Variants in KLHDC3 observed in about 807,000 individuals in gnomAD.
The protein encoded by KLHDC3 is kelch domain-containing protein 3.
In KLHDC3, 5 loss-of-function variants were observed where a neutral mutation model predicts 44.1. The ratio of observed to expected loss-of-function variants is 0.11; its 90% CI spans 0.06 to 0.24. The LOEUF is 0.24. KLHDC3 is among the 10% of genes least tolerant of loss of function. KLHDC3 has a pLI of 1.00. For synonymous variants in KLHDC3, 170 were observed against 189.0 expected (o/e 0.90, Z 0.82); for missense variants, 247 against 514.3 (o/e 0.48, Z 5.03).
Position 43,018,107 on chromosome 6 carries a change from G to A in KLHDC3, c.448-38G>A. The A allele has an allele frequency of 2.0e-6, 3 of 1,510,410 alleles. No homozygotes were observed. Among genetic ancestry groups the A allele is most frequent in the South Asian group, 2.2e-5 (2 of 88,936 alleles). 93.6% of individuals were successfully genotyped at this position (1,510,410 alleles called of 1,614,324 possible). On this transcript the variant is annotated intron_variant, in intron 4 of 10. Coordinates refer to ENST00000326974, the MANE Select transcript of KLHDC3 (RefSeq NM_057161.4). The surrounding 1 kb of genome is among the most constrained non-coding windows in gnomAD (Gnocchi z 6.0). ...ATGGAGGGTCAGAGAGTGACCATTGGCTCCCTCTTTTCTTCCTCCTTTTCT... is the reference window on the plus strand; with the variant it reads ...ATGGAGGGTCAGAGAGTGACCATTGACTCCCTCTTTTCTTCCTCCTTTTCT...
At position 43,019,359 on chromosome 6, in the gene KLHDC3, G is replaced by T. The variant is rs1762643314; in HGVS notation, c.1075G>T (p.Asp359Tyr). ...YNLDQSCLPH[D>Y]IRWELNAMTT... Reference sequence around the variant, plus strand: ...CCTAGACCAGTCCTGTTTGCCTCATGATATCAGGTACAGCGAGTGGTTGGA... The same window carrying T: ...CCTAGACCAGTCCTGTTTGCCTCATTATATCAGGTACAGCGAGTGGTTGGA... The change falls in exon 10 of 11, where the codon GAT becomes TAT. Residue 359 changes from aspartate (D) to tyrosine (Y), a missense_variant. Around this residue, in one of 2 missense-constraint regions of KLHDC3, gnomAD observed 176 missense variants for 413.5 expected, o/e 0.43. Coordinates refer to ENST00000326974, the MANE Select transcript of KLHDC3 (RefSeq NM_057161.4). 6.2e-7 allele frequency: 1 copy of T among 1,611,456 alleles called. No homozygotes were observed.
In KLHDC3 at chr6:43,017,158, G is replaced by C. The variant is rs757561831; in HGVS notation, c.-35G>C. On this transcript the variant is annotated 5_prime_UTR_variant, in exon 2 of 11. Coordinates refer to ENST00000326974, the MANE Select transcript of KLHDC3 (RefSeq NM_057161.4). The surrounding 1 kb of genome is among the most constrained non-coding windows in gnomAD (Gnocchi z 6.0). ...GATAGCAGAGGCAGCAGGCCGTGCC[G>C]GGGGGGCATGTTGCTGTAACCAGTG... is the stretch of plus-strand genomic sequence containing the variant. 10 of 1,593,990 alleles carry C rather than the reference G, an allele frequency of 6.3e-6. No individual in the cohort carries two copies. The highest frequency in any genetic ancestry group is 1.3e-5 in the African/African-American group (1 of 74,644).
rs1762602926 is a variant in KLHDC3 at position 43,017,390 on chromosome 6, G to A, written c.154+44G>A. 1 of 1,589,772 alleles carries A rather than the reference G, an allele frequency of 6.3e-7. No individual in the cohort carries two copies. Among genetic ancestry groups the A allele is most frequent in the African/African-American group, 1.3e-5 (1 of 74,668 alleles). On this transcript the variant is annotated intron_variant, in intron 2 of 10. Coordinates refer to ENST00000326974, the MANE Select transcript of KLHDC3 (RefSeq NM_057161.4). The surrounding 1 kb of genome is among the most constrained non-coding windows in gnomAD (Gnocchi z 6.0). The stretch of plus-strand genomic sequence containing the variant: ...TGTCCCTGGGTCCCCACATCAGGGT[G>A]GGAACGGGCTGCTGATGAGGTTTGG...
In KLHDC3 at chr6:43,017,595, C is replaced by T; in HGVS notation, c.231C>T (p.Arg77=). The part of the protein sequence containing the change: ...RGQAPVVPYM[R]YGHSTVLIDD... ...AAGCTCCTGTGGTACCCTACATGCG[C>T]TATGGACACTCAACCGTCCTCATCG... Residue 77 remains arginine (R), a synonymous_variant, in exon 3 of 11, where the codon CGC becomes CGT. Coordinates refer to ENST00000326974, the MANE Select transcript of KLHDC3 (RefSeq NM_057161.4). This position sits in a 1 kb window ranked among gnomAD's most constrained non-coding sequence, Gnocchi z 6.0. 1 of 1,614,128 alleles carries T rather than the reference C, an allele frequency of 6.2e-7. No homozygotes were observed. Among genetic ancestry groups the T allele is most frequent in the Non-Finnish European group, 8.5e-7 (1 of 1,180,010 alleles).
At chr6:43,016,902 G>A (rs554381227) in intron 1 of KLHDC3, 3 of 441,322 alleles carry the variant, frequency 6.8e-6, no homozygotes, top group South Asian at 3.2e-5. Context: ...ATCAGGTGGG[G>A]GTGGCCCCAC....
At chr6:43,019,403 G>A (rs1233755921) in intron 10 of KLHDC3, 37 bp downstream of exon 10, 1 of 1,436,012 alleles carries the variant, frequency 7.0e-7, no homozygotes, top group Non-Finnish European at 9.8e-7. Context: ...ATTGAGTGAG[G>A]GTGAGTGAGC....
chr6:43,021,066 C>G lies in KLHDC3; in HGVS notation c.*333C>G, dbSNP rs770368966. The G allele has an allele frequency of 1.4e-5, 7 of 508,526 alleles. No homozygotes were observed. Among genetic ancestry groups the G allele is most frequent in the Non-Finnish European group, 2.7e-5 (7 of 261,442 alleles). 31.5% of individuals were successfully genotyped at this position (508,526 alleles called of 1,614,324 possible). On this transcript the variant is annotated 3_prime_UTR_variant, in exon 11 of 11. Coordinates refer to ENST00000326974, the MANE Select transcript of KLHDC3 (RefSeq NM_057161.4). ...GGGAGAAGGGAGAAGCAAGCAGTGTCTGAGCCTCAGGAGCTTCCCCCTCCC... is the reference window on the plus strand; with the variant it reads ...GGGAGAAGGGAGAAGCAAGCAGTGTGTGAGCCTCAGGAGCTTCCCCCTCCC...
At position 43,018,228 on chromosome 6, in the gene KLHDC3, CT is replaced by C. The variant is rs771768159; in HGVS notation, c.519+20del. 17 of 1,597,972 alleles carry C rather than the reference CT, an allele frequency of 1.1e-5. No individual in the cohort carries two copies. The highest frequency in any genetic ancestry group is 1.3e-5 in the Non-Finnish European group (15 of 1,165,848). On this transcript the variant is annotated intron_variant, in intron 5 of 10. Coordinates refer to ENST00000326974, the MANE Select transcript of KLHDC3 (RefSeq NM_057161.4). The surrounding 1 kb of genome is among the most constrained non-coding windows in gnomAD (Gnocchi z 6.0). ...TTATCTGTACAAAGGTCTGCTCTTTCTTTTTTTTCCCAAATCCCCACCCTCT... is the reference window on the plus strand; with the variant it reads ...TTATCTGTACAAAGGTCTGCTCTTTCTTTTTTTCCCAAATCCCCACCCTCT...
Position 43,017,724 on chromosome 6 carries a change from C to G in KLHDC3, c.331+29C>G. On this transcript the variant is annotated intron_variant, in intron 3 of 10. Coordinates refer to ENST00000326974, the MANE Select transcript of KLHDC3 (RefSeq NM_057161.4). This position sits in a 1 kb window ranked among gnomAD's most constrained non-coding sequence, Gnocchi z 6.0. ...AGTATGGATCTCAGAGAGGCTATGT[C>G]CTTCCAGATGTTGCCTCAGTTGCCC... The G allele has an allele frequency of 6.2e-7, 1 of 1,605,678 alleles. No individual in the cohort carries two copies. Among genetic ancestry groups the G allele is most frequent in the Admixed American group, 1.7e-5 (1 of 59,744 alleles).
chr6:43,016,192 CAG>C (rs946989377), intron 1 of KLHDC3, among the ~76,000 whole-genome samples: 92 of 152,242 alleles, frequency 6.0e-4, no homozygotes, highest in African/African-American at 1.9e-3. Context: ...CTCGGCCTCT[CAG>C]GGTGCTGGGA....
rs978036394 is a variant in KLHDC3, at chr6:43,018,803, G to C, written c.821-60G>C. On this transcript the variant is annotated intron_variant, in intron 7 of 10. Transcript: ENST00000326974. The surrounding 1 kb of genome is among the most constrained non-coding windows in gnomAD (Gnocchi z 6.0). ...AATAATCCTGAGGCGGTGAGGGATG[G>C]GGGTGGGGAAGATACCTGGACTAGG... The C allele has an allele frequency of 4.5e-5, 69 of 1,547,396 alleles. No homozygotes were observed. In the African/African-American group the frequency reaches 8.3e-4, roughly 19 times the overall value.
chr6:43,014,592 C>G (rs574442542), intron 1 of KLHDC3: 10 of 457,856 alleles, frequency 2.2e-5, no homozygotes, highest in Non-Finnish European at 4.4e-5. Context: ...AAGACTGGGC[C>G]ATGAAAACAG....
At position 43,017,492 on chromosome 6, in the gene KLHDC3, C is replaced by T; in HGVS notation, c.155-27C>T. On this transcript the variant is annotated intron_variant, in intron 2 of 10. Coordinates refer to ENST00000326974, the MANE Select transcript of KLHDC3 (RefSeq NM_057161.4). The surrounding 1 kb of genome is among the most constrained non-coding windows in gnomAD (Gnocchi z 6.0). ...AGTGGACAGCCTGGAGGGAGGTTCC[C>T]AGGGCTGAGCAGAGCTGTGCCCACA... 6.4e-7 allele frequency: 1 copy of T among 1,570,158 alleles called. No homozygotes were observed. The highest frequency in any genetic ancestry group is 2.3e-5 in the East Asian group (1 of 44,428).
intron 10 of KLHDC3, 128 bp downstream of exon 10, chr6:43,019,494 G>A: frequency 3.0e-6 from 2 of 665,916 alleles, no homozygotes; most frequent in East Asian, 5.0e-5. Flanking sequence ...TAGTGTACTT[G>A]TGGGAAATGA....
intron 1 of KLHDC3, among the ~76,000 whole-genome samples, chr6:43,016,190 C>T (rs1227128521): frequency 6.6e-6 from 1 of 152,142 alleles, no homozygotes; most frequent in African/African-American, 2.4e-5. Flanking sequence ...GCCTCGGCCT[C>T]TCAGGGTGCT....
At chr6:43,014,647 G>A (rs1389218427) in intron 1 of KLHDC3, 5 of 456,402 alleles carry the variant, frequency 1.1e-5, no homozygotes, top group African/African-American at 6.0e-5. Flanking sequence ...GGCGTGGTGG[G>A]CTAGGGGAGG....
Position 43,019,408 on chromosome 6 carries a change from G to A in KLHDC3, c.1082+42G>A, listed in dbSNP as rs757177406. On this transcript the variant is annotated intron_variant, in intron 10 of 10. Coordinates refer to ENST00000326974, the MANE Select transcript of KLHDC3 (RefSeq NM_057161.4). ...GAAGGGAGGGATTGAGTGAGGGTGA[G>A]TGAGCAGCACAGGTGTGACCTGATT... 4 of 1,387,116 alleles carry A rather than the reference G, an allele frequency of 2.9e-6. No homozygotes were observed. The South Asian group carries it at 4.6e-5, about 16-fold the overall frequency. The allele number at this position is 1,387,116 out of a possible 1,614,324, so 85.9% of individuals were successfully genotyped here.
chr6:43,015,844 ACTT>A (rs1169243013), intron 1 of KLHDC3, among the ~76,000 whole-genome samples: 1 of 129,508 alleles, frequency 7.7e-6, no homozygotes, highest in African/African-American at 3.6e-5. Context: ...CAAGAGCGAG[ACTT>A]CATCTAAAAA....
In KLHDC3 at chr6:43,021,218, C is replaced by G; in HGVS notation, c.*485C>G. 5.0e-6 allele frequency: 2 copies of G among 403,812 alleles called. No individual in the cohort carries two copies. Among genetic ancestry groups the G allele is most frequent in the South Asian group, 3.6e-5 (2 of 55,726 alleles). 25.0% of individuals were successfully genotyped at this position (403,812 alleles called of 1,614,324 possible). On this transcript the variant is annotated 3_prime_UTR_variant, in exon 11 of 11. Transcript: ENST00000326974. ...GAGGTGGGGACCAGCAGATAAATCC[C>G]ACCCTTCCTTGAGCTGTCGCTGTAC... is the stretch of plus-strand genomic sequence containing the variant.
Sources: allele counts gnomAD v4.1 joint callset (sites outside exome capture counted in the v4.1 genomes callset), GRCh38; gene constraint gnomAD v4.1.1; regional missense constraint gnomAD v4.1.1; non-coding constraint Gnocchi (gnomAD v3.1); transcripts MANE v1.5; gene names NCBI Gene and HGNC (gene_info 2026-07-23, HGNC 2026-07-21).